PLCB4: variants seen among roughly 807,000 people sequenced by gnomAD.
PLCB4 encodes the protein 1-phosphatidylinositol 4,5-bisphosphate phosphodiesterase beta-4.
A neutral mutation model predicts 178.8 loss-of-function variants in PLCB4; 77 were observed. The ratio of observed to expected loss-of-function variants is 0.43; its 90% CI spans 0.36 to 0.52. PLCB4 has a LOEUF of 0.52. PLCB4 is among the 20% of genes least tolerant of loss of function. The pLI is 0.00. For missense variants in PLCB4, 1,024 were observed against 1,453.4 expected (o/e 0.70, Z 4.80); for synonymous variants, 496 against 490.8 (o/e 1.01, Z -0.14).
At chr20:9,294,188 G>T (rs970553683) in intron 3 of PLCB4, among the ~76,000 whole-genome samples, 1 of 152,094 alleles carries the variant, frequency 6.6e-6, no homozygotes, top group Non-Finnish European at 1.5e-5. Context: ...ATAGCTTGTA[G>T]TTAACAGGGA....
chr20:9,430,982 T>G (rs1002045862), intron 28 of PLCB4, among the ~76,000 whole-genome samples: 1 of 152,234 alleles, frequency 6.6e-6, no homozygotes, highest in African/African-American at 2.4e-5. Flanking sequence ...GGCAATCGAA[T>G]GTACAGTTGT....
At chr20:9,215,985 A>T (rs915204964) in intron 2 of PLCB4, among the ~76,000 whole-genome samples, 2 of 152,008 alleles carry the variant, frequency 1.3e-5, no homozygotes, top group African/African-American at 4.8e-5. Flanking sequence ...CTTGTTTTTC[A>T]TGGTGTAGTC....
At chr20:9,069,641 GC>G in intron 1 of PLCB4, among the ~76,000 whole-genome samples, 1 of 152,268 alleles carries the variant, frequency 6.6e-6, no homozygotes, top group African/African-American at 2.4e-5. Context: ...CTCATTGGGG[GC>G]AGGGTTCGGG....
intron 3 of PLCB4, among the ~76,000 whole-genome samples, chr20:9,234,259 T>A (rs2093967939): frequency 6.6e-6 from 1 of 152,092 alleles, no homozygotes; most frequent in Non-Finnish European, 1.5e-5. Flanking sequence ...TTTGTATGCT[T>A]ATTGAGTGTT....
chr20:9,206,444 C>G (rs2093616840), intron 2 of PLCB4, among the ~76,000 whole-genome samples: 1 of 151,854 alleles, frequency 6.6e-6, no homozygotes, highest in Non-Finnish European at 1.5e-5. Context: ...TGGTTTGAGA[C>G]TAATTAAATG....
chr20:9,196,843 AG>A (rs1360107573), intron 2 of PLCB4, among the ~76,000 whole-genome samples: 1 of 152,154 alleles, frequency 6.6e-6, no homozygotes, highest in Non-Finnish European at 1.5e-5. Flanking sequence ...ATTTATCTTG[AG>A]GTATAGCTCA....
At chr20:9,206,165 T>C (rs1229992153) in intron 2 of PLCB4, among the ~76,000 whole-genome samples, 2 of 152,210 alleles carry the variant, frequency 1.3e-5, no homozygotes, top group Non-Finnish European at 2.9e-5. Flanking sequence ...AAATGGTGTA[T>C]TTTGTTCTGC....
At chr20:9,286,839 C>G (rs1295977104) in intron 3 of PLCB4, among the ~76,000 whole-genome samples, 1 of 151,960 alleles carries the variant, frequency 6.6e-6, no homozygotes, top group Non-Finnish European at 1.5e-5. Context: ...GACTTTCCAT[C>G]CCCTAGGATC....
At chr20:9,300,038 T>C (rs1240675437) in intron 3 of PLCB4, among the ~76,000 whole-genome samples, 2 of 152,130 alleles carry the variant, frequency 1.3e-5, no homozygotes, top group Non-Finnish European at 2.9e-5. Flanking sequence ...TATATTAATG[T>C]CAAATTAGAT....
At chr20:9,438,662 C>T (rs1439688640) in intron 30 of PLCB4, among the ~76,000 whole-genome samples, 2 of 151,872 alleles carry the variant, frequency 1.3e-5, no homozygotes, top group Non-Finnish European at 1.5e-5. Flanking sequence ...AATAAGAATA[C>T]TTAGAAGGCA....
At position 9,290,829 on chromosome 20, in the gene PLCB4, A is replaced by G. The variant is rs1364841423; in HGVS notation, c.-15-16971A>G. Among the ~76,000 whole-genome samples, 4 of 152,198 alleles carry G rather than the reference A, an allele frequency of 2.6e-5. No homozygotes were observed. The East Asian group carries it at 7.7e-4, about 29-fold the overall frequency. ...TTCATAGGAGCTCAAATAATGTTTA[A>G]TCAAATGTTTATTAATGTAAACTAA... On this transcript the variant is annotated intron_variant, in intron 3 of 39. Coordinates refer to ENST00000378473, the MANE Select transcript of PLCB4 (RefSeq NM_001377142.1).
At chr20:9,081,779 A>AAAAAAAT (rs2090158564) in intron 1 of PLCB4, among the ~76,000 whole-genome samples, 1 of 151,740 alleles carries the variant, frequency 6.6e-6, no homozygotes, top group South Asian at 2.1e-4. Flanking sequence ...AAAAAAAAAA[A>AAAAAAAT]AAAAGCCAAA....
chr20:9,339,156 T>C, intron 7 of PLCB4, 119 bp downstream of exon 7: 1 of 781,736 alleles, frequency 1.3e-6, no homozygotes, highest in East Asian at 2.7e-5. Context: ...AAGTTAGCAT[T>C]GCTTTGCTGA....
chr20:9,328,241 G>C (rs1601870945), intron 4 of PLCB4, among the ~76,000 whole-genome samples: 1 of 152,156 alleles, frequency 6.6e-6, no homozygotes, highest in East Asian at 1.9e-4. Context: ...GTTCCTGGTG[G>C]CTAAAGCAAT....
chr20:9,258,002 G>A (rs2147524639), intron 3 of PLCB4, among the ~76,000 whole-genome samples: 1 of 152,136 alleles, frequency 6.6e-6, no homozygotes, highest in Middle Eastern at 3.4e-3. Flanking sequence ...CTAGAAAACA[G>A]AACAAAGAAC....
At chr20:9,348,079 T>C (rs1042791512) in intron 7 of PLCB4, among the ~76,000 whole-genome samples, 1 of 152,166 alleles carries the variant, frequency 6.6e-6, no homozygotes, top group African/African-American at 2.4e-5. Context: ...ACAGGACACT[T>C]GTGTACACAT....
chr20:9,362,746 G>T (rs1258882961), intron 7 of PLCB4, 150 bp from the exon 8 acceptor site: 1 of 611,728 alleles, frequency 1.6e-6, no homozygotes, highest in Non-Finnish European at 2.9e-6. Flanking sequence ...ATATGAGCCT[G>T]CAAAATATAG....
intron 4 of PLCB4, among the ~76,000 whole-genome samples, chr20:9,336,063 C>T (rs1357318580): frequency 6.6e-6 from 1 of 151,976 alleles, no homozygotes; most frequent in Non-Finnish European, 1.5e-5. Context: ...AAACCTTAAT[C>T]CTGTAATTAC....
intron 1 of PLCB4, among the ~76,000 whole-genome samples, chr20:9,089,269 TTA>T (rs1431239952): frequency 1.3e-5 from 2 of 151,950 alleles, no homozygotes; most frequent in Admixed American, 6.6e-5. Flanking sequence ...TAAAAATATA[TTA>T]ACATGTGCTT....
Sources: allele counts gnomAD v4.1 joint callset (sites outside exome capture counted in the v4.1 genomes callset), GRCh38; gene constraint gnomAD v4.1.1; transcripts MANE v1.5; gene names NCBI Gene and HGNC (gene_info 2026-07-23, HGNC 2026-07-21).